ZNF385D: variants seen among roughly 807,000 people sequenced by gnomAD.
ZNF385D encodes the protein zinc finger protein 385D.
A neutral mutation model predicts 35.8 loss-of-function variants in ZNF385D; 15 were observed. That is an observed-to-expected ratio of 0.42 (90% CI 0.28 to 0.64). The LOEUF (loss-of-function observed/expected upper bound fraction) is 0.64, where lower values mean the gene tolerates loss of function less well. ZNF385D is among the 30% of genes least tolerant of loss of function. The pLI, the probability that ZNF385D is intolerant of heterozygous loss-of-function variation, is 0.23. For missense variants in ZNF385D, 474 were observed against 494.6 expected (o/e 0.96, Z 0.39); for synonymous variants, 212 against 186.8 (o/e 1.13, Z -1.10).
At chr3:22,137,732 T>C (rs1437609861) in intron 3 of ZNF385D, among the ~76,000 whole-genome samples, 2 of 152,040 alleles carry the variant, frequency 1.3e-5, no homozygotes, top group African/African-American at 2.4e-5. Context: ...GGACAAAAAC[T>C]GGAAGCATTC....
intron 3 of ZNF385D, among the ~76,000 whole-genome samples, chr3:21,951,583 C>T (rs1702069148): frequency 6.6e-6 from 1 of 151,602 alleles, no homozygotes; most frequent in Non-Finnish European, 1.5e-5. Context: ...ACTTCCAATA[C>T]TACGTTGAAT....
At chr3:22,309,090 G>A (rs1278284163) in intron 2 of ZNF385D, among the ~76,000 whole-genome samples, 1 of 151,986 alleles carries the variant, frequency 6.6e-6, no homozygotes, top group South Asian at 2.1e-4. Context: ...GTAACTTGAA[G>A]GGTGCCAAGA....
At chr3:21,443,212 G>T (rs954289337) in intron 4 of ZNF385D, 1 of 985,182 alleles carries the variant, frequency 1.0e-6, no homozygotes, top group African/African-American at 1.7e-5. Context: ...AGAAGTTCTG[G>T]CTTTGGGCAC....
At chr3:22,312,402 T>C (rs1013301508) in intron 2 of ZNF385D, among the ~76,000 whole-genome samples, 6 of 152,130 alleles carry the variant, frequency 3.9e-5, no homozygotes, top group African/African-American at 4.8e-5. Flanking sequence ...GATGTAGATA[T>C]AACATTTTTA....
intron 4 of ZNF385D, among the ~76,000 whole-genome samples, chr3:21,500,725 G>C (rs1307449560): frequency 6.6e-6 from 1 of 152,166 alleles, no homozygotes; most frequent in Non-Finnish European, 1.5e-5. Flanking sequence ...AAAAATGATA[G>C]GCAAGGGTTA....
intron 1 of ZNF385D, 21 bp from the exon 2 acceptor site, chr3:21,665,049 G>A (rs1489593575): frequency 6.4e-7 from 1 of 1,574,692 alleles, no homozygotes; most frequent in African/African-American, 1.4e-5. Context: ...CAGAGCAAAG[G>A]GAGCAATCAG....
At chr3:22,182,136 G>A (rs1345335020) in intron 2 of ZNF385D, among the ~76,000 whole-genome samples, 2 of 152,134 alleles carry the variant, frequency 1.3e-5, no homozygotes, top group Admixed American at 6.6e-5. Flanking sequence ...GCTAATAAAT[G>A]TGTGTTGTCT....
intron 2 of ZNF385D, among the ~76,000 whole-genome samples, chr3:22,180,379 C>G (rs1432676713): frequency 6.6e-6 from 1 of 152,204 alleles, no homozygotes; most frequent in Non-Finnish European, 1.5e-5. Context: ...GGGACCATTC[C>G]TTCTGAAACT....
chr3:21,437,255 T>G, intron 4 of ZNF385D, 52 bp from the exon 5 acceptor site: 1 of 1,508,886 alleles, frequency 6.6e-7, no homozygotes. Flanking sequence ...GTATTATCTT[T>G]CCCTATTCAG....
At chr3:21,684,588 C>T (rs894496083) in intron 1 of ZNF385D, among the ~76,000 whole-genome samples, 2 of 151,860 alleles carry the variant, frequency 1.3e-5, no homozygotes, top group African/African-American at 2.4e-5. Context: ...ATTATAAAGT[C>T]ACATTAATTT....
intron 3 of ZNF385D, among the ~76,000 whole-genome samples, chr3:21,937,086 A>G (rs1449244858): frequency 6.6e-6 from 1 of 152,188 alleles, no homozygotes; most frequent in Non-Finnish European, 1.5e-5. Context: ...AGTTAGCCTC[A>G]CAGCTGGAGT....
chr3:21,839,772 A>G (rs1459099227), intron 3 of ZNF385D, among the ~76,000 whole-genome samples: 1 of 152,038 alleles, frequency 6.6e-6, no homozygotes, highest in East Asian at 1.9e-4. Context: ...CTGGAGAGTC[A>G]CATACCAGCA....
At chr3:21,813,826 C>G (rs1406958529) in intron 3 of ZNF385D, among the ~76,000 whole-genome samples, 1 of 152,046 alleles carries the variant, frequency 6.6e-6, no homozygotes, top group African/African-American at 2.4e-5. Flanking sequence ...GGCAGGCCAA[C>G]ATTGAAATTC....
intron 2 of ZNF385D, among the ~76,000 whole-genome samples, chr3:21,634,470 T>G (rs945566243): frequency 6.6e-6 from 1 of 152,056 alleles, no homozygotes; most frequent in Non-Finnish European, 1.5e-5. Flanking sequence ...ACAAAAGAAA[T>G]CTATCATGCT....
At chr3:21,943,175 G>A (rs186606406) in intron 3 of ZNF385D, among the ~76,000 whole-genome samples, 35 of 152,104 alleles carry the variant, frequency 2.3e-4, no homozygotes, top group African/African-American at 8.2e-4. Flanking sequence ...TTTTGGTACT[G>A]TCTAGCTTAT....
rs1337029773 is a variant in ZNF385D at position 21,705,623 on chromosome 3, C to A, written c.23-40595G>T. ...CTCAAAGGTCATTTCTTAATCTCTT[C>A]ATTTTACACCTGGGGAAATTAAAAC... is the stretch of plus-strand genomic sequence containing the variant. On this transcript the variant is annotated intron_variant, in intron 1 of 7. Transcript: ENST00000281523. 3.3e-5 allele frequency among the ~76,000 whole-genome samples: 5 copies of A among 152,144 alleles called. No homozygotes were observed. In the East Asian group the frequency reaches 9.6e-4, roughly 29 times the overall value.
Position 21,510,819 on chromosome 3 carries a change from C to T in ZNF385D, c.439+42G>A, listed in dbSNP as rs372116590. The T allele has an allele frequency of 2.4e-5, 38 of 1,604,020 alleles. No individual in the cohort carries two copies. In the African/African-American group the frequency reaches 2.4e-4, roughly 10 times the overall value. On this transcript the variant is annotated intron_variant, in intron 4 of 7. Transcript: ENST00000281523. ...GCTAGACAAGGGAGGGAATCCCCAACGACGACGACGAGGACAACAACAACA... is the reference window on the plus strand; with the variant it reads ...GCTAGACAAGGGAGGGAATCCCCAATGACGACGACGAGGACAACAACAACA...
At chr3:21,993,565 A>G (rs922344527) in intron 3 of ZNF385D, among the ~76,000 whole-genome samples, 1 of 152,238 alleles carries the variant, frequency 6.6e-6, no homozygotes, top group African/African-American at 2.4e-5. Flanking sequence ...CTATGCATTA[A>G]TTCATCATTA....
intron 2 of ZNF385D, among the ~76,000 whole-genome samples, chr3:22,342,596 G>A (rs1273549145): frequency 6.6e-6 from 1 of 152,148 alleles, no homozygotes; most frequent in Non-Finnish European, 1.5e-5. Context: ...TCTGCAGAAG[G>A]TTAGAGTTTT....
Sources: allele counts gnomAD v4.1 joint callset (sites outside exome capture counted in the v4.1 genomes callset), GRCh38; gene constraint gnomAD v4.1.1; transcripts MANE v1.5; gene names NCBI Gene and HGNC (gene_info 2026-07-23, HGNC 2026-07-21).